The following HSD17B6 variants were observed in gnomAD, a reference collection of about 807,000 sequenced individuals.
HSD17B6 encodes the protein 17-beta-hydroxysteroid dehydrogenase type 6.
In HSD17B6, 16 loss-of-function variants were observed where a neutral mutation model predicts 26.4. The ratio of observed to expected loss-of-function variants is 0.61; its 90% CI spans 0.41 to 0.92. The LOEUF (loss-of-function observed/expected upper bound fraction) is 0.92. HSD17B6 is among the 40% of genes least tolerant of loss of function. HSD17B6 has a pLI of 0.00. For synonymous variants in HSD17B6, 139 were observed against 153.0 expected, an observed-to-expected ratio of 0.91 and a Z score of 0.68; for missense variants, 357 against 386.1, an observed-to-expected ratio of 0.92 and a Z score of 0.63.
At chr12:56,786,721 C>T (rs1954882999) in intron 4 of HSD17B6, among the ~76,000 whole-genome samples, 2 of 152,086 alleles carry the variant, frequency 1.3e-5, no homozygotes, top group African/African-American at 2.4e-5. Context: ...CATGGGGATG[C>T]GAACCTGTAG....
intron 1 of HSD17B6, among the ~76,000 whole-genome samples, chr12:56,766,679 A>G (rs1001244433): frequency 2.0e-5 from 3 of 152,198 alleles, no homozygotes; most frequent in Non-Finnish European, 4.4e-5. Context: ...TTAACCAGAC[A>G]GCCCTATGTG....
chr12:56,780,955 C>T (rs1313340462), intron 2 of HSD17B6, among the ~76,000 whole-genome samples: 2 of 151,732 alleles, frequency 1.3e-5, no homozygotes, highest in African/African-American at 2.4e-5. Flanking sequence ...ATAGACATGT[C>T]AGGTTATAAA....
chr12:56,780,829 A>T (rs992786711), intron 2 of HSD17B6, among the ~76,000 whole-genome samples: 2 of 136,182 alleles, frequency 1.5e-5, no homozygotes. Flanking sequence ...AGCCTGGGCG[A>T]GACTCCGTCT....
At chr12:56,781,766 G>A (rs1189519259) in intron 2 of HSD17B6, among the ~76,000 whole-genome samples, 1 of 152,204 alleles carries the variant, frequency 6.6e-6, no homozygotes, top group Non-Finnish European at 1.5e-5. Context: ...TCGTGCCACT[G>A]CACTCCAGCC....
chr12:56,763,549 T>G (rs1389502123), intron 1 of HSD17B6, 135 bp downstream of exon 1: 1 of 151,886 alleles, frequency 6.6e-6, no homozygotes, highest in African/African-American at 2.4e-5. Flanking sequence ...TCTTAAAAGA[T>G]CCTTCAACTT....
intron 1 of HSD17B6, among the ~76,000 whole-genome samples, chr12:56,769,036 G>C (rs138370695): frequency 1.3e-5 from 2 of 151,734 alleles, no homozygotes; most frequent in Non-Finnish European, 2.9e-5. Context: ...AGAGGGGAGT[G>C]GGGGGAGGGG....
intron 2 of HSD17B6, among the ~76,000 whole-genome samples, chr12:56,781,076 C>T (rs1954706896): frequency 6.6e-6 from 1 of 152,114 alleles, no homozygotes; most frequent in Admixed American, 6.6e-5. Flanking sequence ...AATTTATGTT[C>T]AAGTGCTATT....
intron 2 of HSD17B6, among the ~76,000 whole-genome samples, chr12:56,776,086 G>A (rs1329298481): frequency 3.3e-5 from 5 of 151,832 alleles, no homozygotes; most frequent in East Asian, 1.9e-4. Flanking sequence ...CCACCATACC[G>A]GGCTAATTTT....
chr12:56,783,396 G>A (rs1219422989), intron 3 of HSD17B6, among the ~76,000 whole-genome samples: 45 of 126,348 alleles, frequency 3.6e-4, no homozygotes, highest in Non-Finnish European at 4.6e-4. Context: ...CGGACGGGGC[G>A]GCTGGCCGGG....
In HSD17B6 at chr12:56,784,841, G is replaced by T; in HGVS notation, c.573-12G>T. ...GTGGTCTTTAATCATAACTTGTGGG[G>T]TTTTATTTCAGGCGTGAGATTCAAC... On this transcript the variant is annotated splice_polypyrimidine_tract_variant and intron_variant, in intron 3 of 4. Coordinates refer to ENST00000322165, the MANE Select transcript of HSD17B6 (RefSeq NM_003725.4). 1 of 1,611,406 alleles carries T rather than the reference G, an allele frequency of 6.2e-7. No homozygotes were observed. Among genetic ancestry groups the T allele is most frequent in the Non-Finnish European group, 8.5e-7 (1 of 1,179,298 alleles).
chr12:56,778,388 A>G (rs1292427718), intron 2 of HSD17B6, among the ~76,000 whole-genome samples: 1 of 150,264 alleles, frequency 6.7e-6, no homozygotes, highest in Non-Finnish European at 1.5e-5. Context: ...CCCGAGTTCC[A>G]GCGATTCTGC....
intron 1 of HSD17B6, 105 bp from the exon 2 acceptor site, chr12:56,773,729 A>G: frequency 9.3e-7 from 1 of 1,074,356 alleles, no homozygotes; most frequent in Non-Finnish European, 1.3e-6. Flanking sequence ...TTAATCAATA[A>G]AGAGTCCCTA....
chr12:56,784,774 T>A (rs897071624), intron 3 of HSD17B6, 79 bp from the exon 4 acceptor site: 5 of 1,394,270 alleles, frequency 3.6e-6, no homozygotes, highest in Middle Eastern at 1.8e-4. Flanking sequence ...TTTTATAATC[T>A]TTTTTGTTTT....
chr12:56,787,053 C>A, intron 4 of HSD17B6, 72 bp from the exon 5 acceptor site: 2 of 1,177,300 alleles, frequency 1.7e-6, no homozygotes, highest in East Asian at 2.3e-5. Flanking sequence ...TGTGGTGAGA[C>A]TTCTGTGACT....
chr12:56,787,059 T>G, intron 4 of HSD17B6, 66 bp from the exon 5 acceptor site: 2 of 1,240,934 alleles, frequency 1.6e-6, no homozygotes, highest in Non-Finnish European at 2.3e-6. Context: ...GAGACTTCTG[T>G]GACTGCATGA....
At chr12:56,777,313 C>T (rs1954612734) in intron 2 of HSD17B6, among the ~76,000 whole-genome samples, 1 of 151,532 alleles carries the variant, frequency 6.6e-6, no homozygotes, top group Admixed American at 6.6e-5. Context: ...CCATGTTGGT[C>T]TCAGACTCCT....
intron 1 of HSD17B6, among the ~76,000 whole-genome samples, chr12:56,769,208 T>C (rs1954416090): frequency 1.3e-5 from 2 of 151,464 alleles, no homozygotes; most frequent in Non-Finnish European, 2.9e-5. Context: ...GTTTAAGCGA[T>C]TCTTGTGCCT....
chr12:56,778,559 G>A (rs985989791), intron 2 of HSD17B6, among the ~76,000 whole-genome samples: 4 of 152,094 alleles, frequency 2.6e-5, no homozygotes, highest in African/African-American at 4.8e-5. Flanking sequence ...TTACAGGCAT[G>A]AGCCACTGCG....
chr12:56,783,140 C>T (rs1398138810), intron 3 of HSD17B6, among the ~76,000 whole-genome samples: 1 of 152,220 alleles, frequency 6.6e-6, no homozygotes, highest in Non-Finnish European at 1.5e-5. Flanking sequence ...ATGGCCCGTT[C>T]TCAATGAGCT....
Sources: allele counts gnomAD v4.1 joint callset (sites outside exome capture counted in the v4.1 genomes callset), GRCh38; gene constraint gnomAD v4.1.1; transcripts MANE v1.5; gene names NCBI Gene and HGNC (gene_info 2026-07-23, HGNC 2026-07-21).